NBAS: variants seen among roughly 807,000 people sequenced by gnomAD.
NBAS encodes the protein NBAS subunit of NRZ tethering complex, also known as NAG/BC035112 fusion.
In NBAS, 219 loss-of-function variants were observed where a neutral mutation model predicts 302.5. The ratio of observed to expected loss-of-function variants is 0.72; its 90% CI spans 0.65 to 0.81. The LOEUF is 0.81. Ranked by LOEUF, NBAS falls within the 30% of genes least tolerant of loss-of-function variation. The pLI, the probability that NBAS is intolerant of heterozygous loss-of-function variation, is 0.00. For synonymous variants in NBAS, 1,118 were observed against 1,021.6 expected (o/e 1.09, Z -1.80); for missense variants, 2,932 against 2,841.6 (o/e 1.03, Z -0.72).
chr2:14,791,673 G>A, the NBAS span, among the ~76,000 whole-genome samples: 3 of 151,926 alleles, frequency 2.0e-5, no homozygotes, highest in Admixed American at 6.6e-5. Flanking sequence ...GGATGGTGGC[G>A]TGTGCCTGTA....
At chr2:14,926,815 C>G in the NBAS span, among the ~76,000 whole-genome samples, 1 of 152,148 alleles carries the variant, frequency 6.6e-6, no homozygotes, top group Non-Finnish European at 1.5e-5. Flanking sequence ...TACTTTCTGT[C>G]TCTATTAATT....
rs566970727 is a variant in NBAS at position 15,441,108 on chromosome 2, C to T, written c.2340-13314G>A. ...CAGGATATTATCCAGGAGAACTTCC[C>T]CAATCTAGCAAGGCAAGCCAACATT... On this transcript the variant is annotated intron_variant, in intron 21 of 51. Transcript: ENST00000281513. Among the ~76,000 whole-genome samples, 12 of 152,196 alleles carry T rather than the reference C, an allele frequency of 7.9e-5. No individual in the cohort carries two copies. In the East Asian group the frequency reaches 2.3e-3, roughly 29 times the overall value.
At chr2:15,171,904 C>T (rs1664313745) in intron 51 of NBAS, among the ~76,000 whole-genome samples, 1 of 152,224 alleles carries the variant, frequency 6.6e-6, no homozygotes, top group Non-Finnish European at 1.5e-5. Context: ...AAGAAACCAA[C>T]CTTACACCTT....
chr2:15,094,751 G>A, the NBAS span, among the ~76,000 whole-genome samples: 5 of 152,000 alleles, frequency 3.3e-5, no homozygotes, highest in Admixed American at 6.6e-5. Flanking sequence ...TGCTCCCGCC[G>A]GCCCTTTGCA....
chr2:14,872,773 G>A, the NBAS span, among the ~76,000 whole-genome samples: 2 of 152,042 alleles, frequency 1.3e-5, no homozygotes, highest in Non-Finnish European at 2.9e-5. Flanking sequence ...GTCCAGAGTT[G>A]CTCTTCCTCC....
chr2:15,286,252 G>A (rs1218655897), intron 42 of NBAS, among the ~76,000 whole-genome samples: 1 of 152,060 alleles, frequency 6.6e-6, no homozygotes, highest in East Asian at 1.9e-4. Context: ...TACCATAAAA[G>A]CTCCCTAACT....
chr2:15,530,532 T>C (rs1447720052), intron 9 of NBAS, among the ~76,000 whole-genome samples: 1 of 152,066 alleles, frequency 6.6e-6, no homozygotes, highest in East Asian at 1.9e-4. Flanking sequence ...AAAAATAATT[T>C]ACAATTTATA....
chr2:15,220,007 C>A (rs1341456322), intron 47 of NBAS, among the ~76,000 whole-genome samples: 4 of 146,854 alleles, frequency 2.7e-5, no homozygotes, highest in African/African-American at 7.6e-5. Context: ...ACCTCCCGGA[C>A]GGGGCGGCTG....
intron 44 of NBAS, among the ~76,000 whole-genome samples, chr2:15,265,370 T>A (rs922098101): frequency 6.6e-6 from 1 of 152,200 alleles, no homozygotes; most frequent in Non-Finnish European, 1.5e-5. Context: ...GAGATGATAA[T>A]ACTTGCTTAA....
intron 31 of NBAS, 44 bp from the exon 32 acceptor site, chr2:15,366,737 C>T: frequency 6.4e-7 from 1 of 1,574,602 alleles, no homozygotes; most frequent in Non-Finnish European, 8.7e-7. Flanking sequence ...AGGGACATCA[C>T]AAAAGGGTGT....
chr2:15,373,707 C>A (rs1185934567), intron 31 of NBAS, among the ~76,000 whole-genome samples: 1 of 152,156 alleles, frequency 6.6e-6, no homozygotes, highest in Non-Finnish European at 1.5e-5. Flanking sequence ...CATGAGAATG[C>A]CTCTACTGGC....
intron 44 of NBAS, among the ~76,000 whole-genome samples, chr2:15,253,806 A>G (rs769121965): frequency 2.0e-5 from 3 of 152,214 alleles, no homozygotes; most frequent in Admixed American, 6.5e-5. Flanking sequence ...ACAGACTCCA[A>G]TGGAGACCAC....
At chr2:14,980,285 C>T in the NBAS span, among the ~76,000 whole-genome samples, 5 of 152,214 alleles carry the variant, frequency 3.3e-5, no homozygotes, top group African/African-American at 9.6e-5. Flanking sequence ...GCAACTCCCA[C>T]GAGAAATCTT....
chr2:14,837,346 T>C, the NBAS span, among the ~76,000 whole-genome samples: 1 of 151,930 alleles, frequency 6.6e-6, no homozygotes, highest in Non-Finnish European at 1.5e-5. Flanking sequence ...AATTGCATAT[T>C]TTAGAAATGG....
the NBAS span, among the ~76,000 whole-genome samples, chr2:14,980,158 T>G: frequency 2.6e-5 from 4 of 152,026 alleles, no homozygotes; most frequent in Non-Finnish European, 4.4e-5. Flanking sequence ...GAGAAATAAC[T>G]GGAGTCAGCC....
At chr2:15,404,312 T>C (rs940427104) in intron 25 of NBAS, among the ~76,000 whole-genome samples, 7 of 151,816 alleles carry the variant, frequency 4.6e-5, no homozygotes, top group African/African-American at 7.3e-5. Flanking sequence ...ATGAAAGAAA[T>C]TGAGAGAAGA....
the NBAS span, among the ~76,000 whole-genome samples, chr2:14,844,928 T>C: frequency 6.6e-6 from 1 of 152,288 alleles, no homozygotes; most frequent in African/African-American, 2.4e-5. Flanking sequence ...TTTATTTCTG[T>C]CCCAGCCCCC....
At chr2:15,106,018 T>C in the NBAS span, among the ~76,000 whole-genome samples, 1 of 152,184 alleles carries the variant, frequency 6.6e-6, no homozygotes, top group East Asian at 1.9e-4. Flanking sequence ...AGCACTGTAA[T>C]CTAATGAGAT....
At chr2:14,959,972 C>A in the NBAS span, among the ~76,000 whole-genome samples, 1 of 152,126 alleles carries the variant, frequency 6.6e-6, no homozygotes. Context: ...TCCTTGGTAG[C>A]CCTGAAAATT....
Sources: gnomAD v4.1 joint callset for allele counts (sites outside exome capture counted in the v4.1 genomes callset) on GRCh38, gnomAD v4.1.1 for gene constraint, MANE v1.5 for transcripts, NCBI Gene and HGNC (gene_info 2026-07-23, HGNC 2026-07-21) for gene names.